The following SLC4A10 variants were observed in gnomAD, a reference collection of about 807,000 sequenced individuals.
SLC4A10 encodes the protein sodium-driven chloride bicarbonate exchanger.
In SLC4A10, 42 loss-of-function variants were observed where a neutral mutation model predicts 137.7. The observed-to-expected ratio is 0.30, with a 90% CI of 0.24 to 0.39. The LOEUF (loss-of-function observed/expected upper bound fraction) is 0.39, where lower values mean the gene tolerates loss of function less well. Ranked by LOEUF, SLC4A10 falls within the 10% of genes least tolerant of loss-of-function variation. SLC4A10 has a pLI of 1.00. For synonymous variants in SLC4A10, 474 were observed against 464.1 expected (o/e 1.02, Z -0.27); for missense variants, 925 against 1,355.0 (o/e 0.68, Z 4.98).
At chr2:161,743,763 C>T (rs1251380513) in intron 1 of SLC4A10, among the ~76,000 whole-genome samples, 1 of 152,098 alleles carries the variant, frequency 6.6e-6, no homozygotes, top group East Asian at 1.9e-4. Context: ...TCTTCCAATA[C>T]ATGAACATGG....
At chr2:161,755,022 A>G (rs2049448439) in intron 1 of SLC4A10, among the ~76,000 whole-genome samples, 1 of 152,214 alleles carries the variant, frequency 6.6e-6, no homozygotes, top group Non-Finnish European at 1.5e-5. Flanking sequence ...CAAAATTTCC[A>G]TGTCTCCTGA....
intron 15 of SLC4A10, among the ~76,000 whole-genome samples, chr2:161,930,071 T>C (rs754466071): frequency 6.6e-6 from 1 of 152,158 alleles, no homozygotes; most frequent in Non-Finnish European, 1.5e-5. Context: ...TATACATACC[T>C]TTTAGGACCA....
intron 1 of SLC4A10, among the ~76,000 whole-genome samples, chr2:161,660,518 G>A (rs190217602): frequency 7.2e-5 from 11 of 152,220 alleles, no homozygotes; most frequent in Admixed American, 2.0e-4. Flanking sequence ...TGAAAAGTAA[G>A]AAACAAAAGT....
chr2:161,930,964 C>T (rs539858024), intron 15 of SLC4A10, among the ~76,000 whole-genome samples: 46 of 144,284 alleles, frequency 3.2e-4, no homozygotes, highest in African/African-American at 1.2e-3. Context: ...ACGCGTCTCG[C>T]TCTGTGGCCC....
At chr2:161,679,686 C>CGTGTGTGT (rs67726464) in intron 1 of SLC4A10, among the ~76,000 whole-genome samples, 301 of 136,726 alleles carry the variant, frequency 2.2e-3, no homozygotes, top group African/African-American at 4.9e-3. Flanking sequence ...TGTAGGTCAA[C>CGTGTGTGT]GTGTGTGTGT....
chr2:161,900,855 A>C, intron 11 of SLC4A10, 56 bp from the exon 12 acceptor site: 1 of 1,213,298 alleles, frequency 8.2e-7, no homozygotes. Flanking sequence ...TATTATTTAC[A>C]ATTAACACCT....
At chr2:161,813,814 C>A (rs2056788067) in intron 3 of SLC4A10, among the ~76,000 whole-genome samples, 1 of 152,074 alleles carries the variant, frequency 6.6e-6, no homozygotes, top group African/African-American at 2.4e-5. Context: ...GGCATTATGC[C>A]AGTTTTTCTA....
intron 8 of SLC4A10, among the ~76,000 whole-genome samples, chr2:161,876,553 C>A (rs1299752965): frequency 1.3e-5 from 2 of 152,008 alleles, no homozygotes; most frequent in African/African-American, 4.8e-5. Flanking sequence ...GGTGGCGCAC[C>A]TGTAGTCCCA....
At chr2:161,877,120 T>C (rs1200516272) in intron 8 of SLC4A10, among the ~76,000 whole-genome samples, 1 of 152,138 alleles carries the variant, frequency 6.6e-6, no homozygotes, top group Non-Finnish European at 1.5e-5. Flanking sequence ...ATGTACTTCT[T>C]GATTTAATTA....
At chr2:161,810,730 G>T (rs1471434648) in intron 3 of SLC4A10, among the ~76,000 whole-genome samples, 1 of 151,942 alleles carries the variant, frequency 6.6e-6, no homozygotes, top group African/African-American at 2.4e-5. Flanking sequence ...TTTTCTCATA[G>T]TGAATTAGAT....
rs1684220341 is a variant in SLC4A10 at position 161,905,832 on chromosome 2, A to G, written c.1942A>G (p.Ser648Gly). 6.2e-7 allele frequency: 1 copy of G among 1,613,986 alleles called. No homozygotes were observed. The highest frequency in any genetic ancestry group is 8.5e-7 in the Non-Finnish European group (1 of 1,179,852). ...YEALEKLFEL[S>G]EAYPINMHND... ...GGCCCTGGAGAAGTTGTTTGAACTC[A>G]GTGAAGCATATCCAATCAACATGCA... Residue 648 changes from serine to glycine, a missense_variant, in exon 15 of 27, where the codon AGT (serine) becomes GGT (glycine). By Grantham distance (56) the Ser-to-Gly change is moderately conservative (BLOSUM62 0). Around this residue, in one of 11 missense-constraint regions of SLC4A10, gnomAD observed 91 missense variants for 95.6 expected, o/e 0.95. Transcript: ENST00000446997.
chr2:161,707,043 G>A (rs16846050), intron 1 of SLC4A10, among the ~76,000 whole-genome samples: 11,281 of 151,576 alleles, frequency 0.074, 523 homozygotes, highest in East Asian at 0.14. Context: ...TAGAAAGAGA[G>A]ACGATGTAGC....
chr2:161,744,906 T>A (rs985861394), intron 1 of SLC4A10, among the ~76,000 whole-genome samples: 2 of 152,200 alleles, frequency 1.3e-5, no homozygotes, highest in Non-Finnish European at 2.9e-5. Context: ...TGTTGTAATA[T>A]CCTGTATTTG....
intron 1 of SLC4A10, among the ~76,000 whole-genome samples, chr2:161,704,850 A>G (rs2043484152): frequency 6.6e-6 from 1 of 151,640 alleles, no homozygotes; most frequent in African/African-American, 2.4e-5. Flanking sequence ...ATGTAGCACT[A>G]AACATCTTTG....
chr2:161,943,078 G>A (rs1309644029), intron 16 of SLC4A10, among the ~76,000 whole-genome samples, 181 bp downstream of exon 16: 1 of 151,940 alleles, frequency 6.6e-6, no homozygotes, highest in East Asian at 1.9e-4. Flanking sequence ...TCATTATTAA[G>A]GTTGTTCTAA....
chr2:161,767,121 ATATATATATATATATATATGTG>A (rs2050919717), intron 1 of SLC4A10, among the ~76,000 whole-genome samples: 2 of 79,694 alleles, frequency 2.5e-5, no homozygotes, highest in African/African-American at 1.1e-4. Context: ...ATATATATAT[ATATATATATATATATATATGTG>A]TGTGTGTGTG....
At position 161,974,314 on chromosome 2, in the gene SLC4A10, T is replaced by C. The variant is rs1559665901; in HGVS notation, c.3225T>C (p.Tyr1075=). The part of the protein sequence containing the change: ...GTVQLPLEGH[Y]RDDPSVINIS... ...TACAACTCCCATTGGAAGGGCACTATAGGTAAGACATAAATTTAAAAACAC... is the reference window on the plus strand; with the variant it reads ...TACAACTCCCATTGGAAGGGCACTACAGGTAAGACATAAATTTAAAAACAC... The change falls in exon 24 of 27, where the codon TAT becomes TAC. Residue 1075 remains tyrosine, a splice_region_variant and synonymous_variant. Transcript: ENST00000446997. 4 of 1,601,852 alleles carry C rather than the reference T, an allele frequency of 2.5e-6. No homozygotes were observed. The highest frequency in any genetic ancestry group is 2.2e-5 in the East Asian group (1 of 44,702).
At chr2:161,922,208 A>G (rs954228104) in intron 15 of SLC4A10, among the ~76,000 whole-genome samples, 7 of 152,164 alleles carry the variant, frequency 4.6e-5, no homozygotes, top group African/African-American at 1.4e-4. Context: ...TAAATTTGAG[A>G]TGAGAAAAAG....
intron 3 of SLC4A10, among the ~76,000 whole-genome samples, chr2:161,812,228 C>T (rs537818697): frequency 1.6e-4 from 25 of 152,106 alleles, no homozygotes; most frequent in African/African-American, 4.8e-4. Context: ...TTTTCCATCC[C>T]GCATACACGA....
Sources: gnomAD v4.1 joint callset for allele counts (sites outside exome capture counted in the v4.1 genomes callset) on GRCh38, gnomAD v4.1.1 for gene constraint, gnomAD v4.1.1 regional missense constraint, MANE v1.5 for transcripts, NCBI Gene and HGNC (gene_info 2026-07-23, HGNC 2026-07-21) for gene names.